PTPRM: variants seen among roughly 807,000 people sequenced by gnomAD.
PTPRM encodes the protein receptor-type tyrosine-protein phosphatase mu.
Under a neutral mutation model 186.7 loss-of-function variants are expected in PTPRM, and 47 were observed. That is an observed-to-expected ratio of 0.25 (90% CI 0.20 to 0.32). The LOEUF (loss-of-function observed/expected upper bound fraction) is 0.32, where lower values mean the gene tolerates loss of function less well. PTPRM is among the 10% of genes least tolerant of loss of function. The pLI is 1.00. For missense variants in PTPRM, 1,494 were observed against 1,865.0 expected, an observed-to-expected ratio of 0.80 and a Z score of 3.66; for synonymous variants, 668 against 674.9, an observed-to-expected ratio of 0.99 and a Z score of 0.16.
At chr18:8,204,428 A>C (rs7237562) in intron 14 of PTPRM, among the ~76,000 whole-genome samples, 152 of 151,934 alleles carry the variant, frequency 1.0e-3, no homozygotes, top group African/African-American at 3.6e-3. Context: ...GGTTTTATTA[A>C]TGAAATATAA....
At chr18:7,870,337 T>G (rs370665323) in intron 2 of PTPRM, among the ~76,000 whole-genome samples, 24 of 152,324 alleles carry the variant, frequency 1.6e-4, no homozygotes, top group East Asian at 5.8e-4. Flanking sequence ...TTATATTTTA[T>G]TATGTCTTCC....
intron 11 of PTPRM, among the ~76,000 whole-genome samples, chr18:8,094,731 C>T (rs2090927141): frequency 6.6e-6 from 1 of 152,092 alleles, no homozygotes; most frequent in South Asian, 2.1e-4. Context: ...TATCAAGTGT[C>T]GCACATAGCC....
intron 5 of PTPRM, among the ~76,000 whole-genome samples, chr18:7,940,422 G>C (rs1825933462): frequency 1.3e-5 from 2 of 152,194 alleles, no homozygotes; most frequent in South Asian, 4.1e-4. Flanking sequence ...CCAAGTAGGA[G>C]CATGTTTCAG....
intron 22 of PTPRM, among the ~76,000 whole-genome samples, chr18:8,342,936 GA>G (rs33915601): frequency 0.51 from 76,276 of 150,956 alleles, 19,384 homozygotes; most frequent in East Asian, 0.56. Flanking sequence ...AAGTCAAGCA[GA>G]AAAAAAAATG....
intron 32 of PTPRM, among the ~76,000 whole-genome samples, chr18:8,397,253 C>G (rs914613654): frequency 6.6e-5 from 10 of 152,360 alleles, no homozygotes; most frequent in African/African-American, 2.2e-4. Flanking sequence ...CCGTTCAGAA[C>G]AGGCAAATGC....
At chr18:7,578,589 C>T (rs2036759589) in intron 1 of PTPRM, among the ~76,000 whole-genome samples, 1 of 151,994 alleles carries the variant, frequency 6.6e-6, no homozygotes, top group Non-Finnish European at 1.5e-5. Flanking sequence ...CCCACCTTGG[C>T]CTCCCAAAGT....
intron 19 of PTPRM, among the ~76,000 whole-genome samples, chr18:8,276,379 G>A (rs143942640): frequency 1.3e-5 from 2 of 152,256 alleles, no homozygotes; most frequent in African/African-American, 4.8e-5. Context: ...TTACAGGATT[G>A]TCATATGATA....
At chr18:8,102,919 G>A (rs1450128033) in intron 11 of PTPRM, among the ~76,000 whole-genome samples, 1 of 152,156 alleles carries the variant, frequency 6.6e-6, no homozygotes, top group Non-Finnish European at 1.5e-5. Context: ...CTGCAAAATG[G>A]ATGTCATGTT....
intron 1 of PTPRM, among the ~76,000 whole-genome samples, chr18:7,595,200 T>C (rs1182723909): frequency 6.6e-6 from 1 of 152,168 alleles, no homozygotes; most frequent in Non-Finnish European, 1.5e-5. Context: ...CTATTTTAAT[T>C]TCCATTTACC....
intron 2 of PTPRM, among the ~76,000 whole-genome samples, chr18:7,794,249 C>T (rs976340301): frequency 2.0e-5 from 3 of 152,178 alleles, no homozygotes; most frequent in East Asian, 1.9e-4. Context: ...CACAAGCCGC[C>T]TATGGATGGC....
chr18:8,133,404 C>T (rs2092561571), intron 13 of PTPRM, among the ~76,000 whole-genome samples: 2 of 152,256 alleles, frequency 1.3e-5, no homozygotes, highest in East Asian at 1.9e-4. Flanking sequence ...AGTAAGACTA[C>T]TTTTGTCTCA....
chr18:7,974,656 A>G (rs1358502304), intron 7 of PTPRM, among the ~76,000 whole-genome samples: 1 of 152,136 alleles, frequency 6.6e-6, no homozygotes, highest in African/African-American at 2.4e-5. Context: ...TCTCTGATCT[A>G]TTGGCCTCAA....
chr18:7,910,944 C>T (rs555245045), intron 4 of PTPRM, among the ~76,000 whole-genome samples: 1 of 152,276 alleles, frequency 6.6e-6, no homozygotes, highest in African/African-American at 2.4e-5. Context: ...CTCTGGCCAC[C>T]ACTCCTAGCC....
At chr18:7,584,994 CAT>C (rs1172783773) in intron 1 of PTPRM, among the ~76,000 whole-genome samples, 2 of 152,314 alleles carry the variant, frequency 1.3e-5, no homozygotes, top group African/African-American at 2.4e-5. Context: ...TCTCAACTGA[CAT>C]AGACAGCGTG....
intron 13 of PTPRM, among the ~76,000 whole-genome samples, chr18:8,124,091 G>T (rs1185630014): frequency 6.6e-6 from 1 of 152,126 alleles, no homozygotes; most frequent in Non-Finnish European, 1.5e-5. Flanking sequence ...TCATTATTTT[G>T]GAGCTAGTCT....
intron 8 of PTPRM, among the ~76,000 whole-genome samples, chr18:8,070,732 C>T (rs2089421066): frequency 6.6e-6 from 1 of 152,118 alleles, no homozygotes; most frequent in African/African-American, 2.4e-5. Flanking sequence ...TCATATAGTA[C>T]ATAAAATACA....
intron 14 of PTPRM, among the ~76,000 whole-genome samples, chr18:8,187,060 C>T (rs879380861): frequency 2.6e-5 from 4 of 152,042 alleles, no homozygotes; most frequent in Admixed American, 1.3e-4. Context: ...GTCTGTCAGC[C>T]TCCCGAGTAG....
intron 1 of PTPRM, among the ~76,000 whole-genome samples, chr18:7,771,215 C>T (rs146239401): frequency 1.1e-4 from 17 of 152,264 alleles, no homozygotes; most frequent in African/African-American, 2.2e-4. Flanking sequence ...GTTTTAAGAT[C>T]GCACTGTAGG....
chr18:7,946,058 C>G (rs2052502814), intron 5 of PTPRM, among the ~76,000 whole-genome samples: 1 of 152,222 alleles, frequency 6.6e-6, no homozygotes, highest in Non-Finnish European at 1.5e-5. Context: ...TCACTAGAGT[C>G]ACGCAGGGCT....
Sources: allele counts gnomAD v4.1 joint callset (sites outside exome capture counted in the v4.1 genomes callset), GRCh38; gene constraint gnomAD v4.1.1; transcripts MANE v1.5; gene names NCBI Gene and HGNC (gene_info 2026-07-23, HGNC 2026-07-21).